The following JAK2 variants were observed in gnomAD, a reference collection of about 807,000 sequenced individuals.
JAK2 encodes the protein Janus kinase 2, also known as tyrosine-protein kinase JAK2.
In JAK2, 86 loss-of-function variants were observed where a neutral mutation model predicts 139.3. That is an observed-to-expected ratio of 0.62 (90% CI 0.52 to 0.74). The LOEUF (loss-of-function observed/expected upper bound fraction) is 0.74, where lower values mean the gene tolerates loss of function less well. JAK2 is among the 30% of genes least tolerant of loss of function. The probability of loss-of-function intolerance (pLI) is 0.00; values close to 1 mark genes in which losing one functional copy is unlikely to be tolerated. For synonymous variants in JAK2, 490 were observed against 437.7 expected (o/e 1.12, Z -1.49); for missense variants, 1,421 against 1,360.3 (o/e 1.04, Z -0.70).
At chr9:5,081,184 C>T (rs183582076) in intron 18 of JAK2, among the ~76,000 whole-genome samples, 6 of 151,922 alleles carry the variant, frequency 3.9e-5, no homozygotes, top group Admixed American at 2.0e-4. Context: ...CTTGAGCCAC[C>T]GCTCCCAGCC....
At chr9:5,055,125 G>T (rs1290096862) in intron 7 of JAK2, among the ~76,000 whole-genome samples, 1 of 151,836 alleles carries the variant, frequency 6.6e-6, no homozygotes, top group East Asian at 1.9e-4. Context: ...GTTTCAGAAA[G>T]ATGTCAAATT....
chr9:4,997,300 T>C (rs1384041265), intron 2 of JAK2, among the ~76,000 whole-genome samples: 1 of 152,066 alleles, frequency 6.6e-6, no homozygotes, highest in Non-Finnish European at 1.5e-5. Flanking sequence ...GAAAAGAGAT[T>C]TAATTGGCTC....
intron 3 of JAK2, among the ~76,000 whole-genome samples, chr9:5,025,801 G>A (rs1299722785): frequency 1.3e-5 from 2 of 152,124 alleles, no homozygotes; most frequent in African/African-American, 2.4e-5. Context: ...CAAAGTGTGT[G>A]AGCCACTGCA....
chr9:5,094,950 C>A (rs1820872720), intron 22 of JAK2: 1 of 152,166 alleles, frequency 6.6e-6, no homozygotes, highest in African/African-American at 2.4e-5. Context: ...AAATTTCCTA[C>A]CACTTACATT....
chr9:5,094,214 A>G (rs1040983207), intron 22 of JAK2: 1 of 152,150 alleles, frequency 6.6e-6, no homozygotes, highest in African/African-American at 2.4e-5. Context: ...GACTGCTTCA[A>G]CCATTTGCTG....
chr9:5,036,131 A>G (rs543101946), intron 4 of JAK2, among the ~76,000 whole-genome samples: 5 of 152,376 alleles, frequency 3.3e-5, no homozygotes, highest in East Asian at 1.9e-4. Flanking sequence ...CCCATTCACA[A>G]TTGCTTCAAA....
chr9:5,088,806 T>C (rs1820326457), intron 19 of JAK2, among the ~76,000 whole-genome samples: 1 of 152,246 alleles, frequency 6.6e-6, no homozygotes, highest in Non-Finnish European at 1.5e-5. Flanking sequence ...CTTCCTCTTA[T>C]AAGGGCACTA....
chr9:5,123,428 T>A (rs962759597), intron 23 of JAK2, among the ~76,000 whole-genome samples: 13 of 151,998 alleles, frequency 8.6e-5, no homozygotes, highest in Admixed American at 3.9e-4. Flanking sequence ...TATGGCTGAT[T>A]TGTTTCACTT....
chr9:5,010,445 C>T (rs1158777851), intron 2 of JAK2, among the ~76,000 whole-genome samples: 2 of 152,016 alleles, frequency 1.3e-5, no homozygotes, highest in Admixed American at 6.5e-5. Context: ...CTCAGCCTCC[C>T]GTGTAGCTGG....
At chr9:5,116,805 G>C (rs2130828243) in intron 22 of JAK2, among the ~76,000 whole-genome samples, 1 of 152,282 alleles carries the variant, frequency 6.6e-6, no homozygotes, top group African/African-American at 2.4e-5. Flanking sequence ...ACTACCCATA[G>C]TCCCTTCAAG....
rs2130591031 is a variant in JAK2 at position 5,078,391 on chromosome 9, C to T, written c.2078C>T (p.Pro693Leu). 1.2e-6 allele frequency: 2 copies of T among 1,613,228 alleles called. No homozygotes were observed. The highest frequency in any genetic ancestry group is 1.1e-5 in the South Asian group (1 of 91,052). ...REEDRKTGNPPFIKLSDPGIS... is the reference protein window; with the variant it reads ...REEDRKTGNPLFIKLSDPGIS... Reference sequence around the variant, plus strand: ...GAAGACAGGAAGACAGGAAATCCTCCTTTCATCAAACTTAGTGATCCTGGC... The same window carrying T: ...GAAGACAGGAAGACAGGAAATCCTCTTTTCATCAAACTTAGTGATCCTGGC... Residue 693 changes from proline (P) to leucine (L), a missense_variant, in exon 16 of 25, where the codon CCT (proline) becomes CTT (leucine). Physicochemically the swap from Pro to Leu is moderately conservative, Grantham distance 98 (BLOSUM62 -3). Transcript: ENST00000381652.
At chr9:5,001,260 T>C (rs746251680) in intron 2 of JAK2, among the ~76,000 whole-genome samples, 2 of 152,208 alleles carry the variant, frequency 1.3e-5, no homozygotes, top group Non-Finnish European at 2.9e-5. Flanking sequence ...TGAGCATCCT[T>C]TCCTTGTTCC....
At chr9:5,088,590 C>T (rs560191227) in intron 19 of JAK2, among the ~76,000 whole-genome samples, 2 of 152,218 alleles carry the variant, frequency 1.3e-5, no homozygotes, top group South Asian at 4.1e-4. Flanking sequence ...TTTCTTACTT[C>T]TTAATTTGCT....
intron 14 of JAK2, among the ~76,000 whole-genome samples, chr9:5,074,610 C>T (rs1157435631): frequency 6.6e-6 from 1 of 152,196 alleles, no homozygotes; most frequent in Admixed American, 6.5e-5. Context: ...ATCAATGAGC[C>T]ATTCCTCTGT....
At position 5,065,108 on chromosome 9, in the gene JAK2, CAG is replaced by C; in HGVS notation, c.1214+71_1214+72del. 5 of 1,004,324 alleles carry C rather than the reference CAG, an allele frequency of 5.0e-6. No individual in the cohort carries two copies. In the South Asian group the frequency reaches 7.6e-5, roughly 15 times the overall value. The allele number at this position is 1,004,324 out of a possible 1,614,324, so 62.2% of individuals were successfully genotyped here. On this transcript the variant is annotated intron_variant, in intron 9 of 24. Transcript: ENST00000381652. The stretch of plus-strand genomic sequence containing the variant: ...TGCTGTATTTACAAAGAAGATTTAA[CAG>C]AGTGATACATGTATGTTTAGAAAAA...
At chr9:5,044,377 GAC>G in intron 4 of JAK2, 24 bp from the exon 5 acceptor site, 2 of 1,427,018 alleles carry the variant, frequency 1.4e-6, no homozygotes, top group Non-Finnish European at 2.0e-6. Flanking sequence ...TTTGGAAGCT[GAC>G]CAAATGTTTT....
chr9:5,073,784 G>A lies in JAK2; in HGVS notation c.1863G>A (p.Glu621=), dbSNP rs2130557326. The part of the protein sequence containing the change: ...LNYGVCVCGD[E]NILVQEFVKF... ...ATGGAGTATGTGTCTGTGGAGACGA[G>A]AGTAAGTAAAACTACAGGCTTTCTA... The change falls in exon 14 of 25, where the codon GAG becomes GAA. Residue 621 remains glutamate (E), a splice_region_variant and synonymous_variant. Transcript: ENST00000381652. 1.9e-6 allele frequency: 3 copies of A among 1,595,414 alleles called. No individual in the cohort carries two copies. The highest frequency in any genetic ancestry group is 2.6e-6 in the Non-Finnish European group (3 of 1,164,918).
At chr9:5,084,973 C>A (rs1024786686) in intron 19 of JAK2, 94 of 763,504 alleles carry the variant, frequency 1.2e-4, no homozygotes, top group East Asian at 2.0e-4. Context: ...GAGATAGCTG[C>A]CAGAAAGAAC....
chr9:5,038,770 A>T (rs1816265419), intron 4 of JAK2, among the ~76,000 whole-genome samples: 1 of 152,138 alleles, frequency 6.6e-6, no homozygotes, highest in Non-Finnish European at 1.5e-5. Context: ...TTTTCAGGTT[A>T]GGAATGCTCA....
Sources: gnomAD v4.1 joint callset for allele counts (sites outside exome capture counted in the v4.1 genomes callset) on GRCh38, gnomAD v4.1.1 for gene constraint, MANE v1.5 for transcripts, NCBI Gene and HGNC (gene_info 2026-07-23, HGNC 2026-07-21) for gene names.